ARID4A: variants seen among roughly 807,000 people sequenced by gnomAD.
The protein encoded by ARID4A is AT-rich interactive domain-containing protein 4A.
A neutral mutation model predicts 148.6 loss-of-function variants in ARID4A; 39 were observed. The observed-to-expected ratio is 0.26, with a 90% CI of 0.20 to 0.34. ARID4A has a LOEUF of 0.34. ARID4A is among the 10% of genes least tolerant of loss of function. ARID4A has a pLI of 1.00. For missense variants in ARID4A, 1,265 were observed against 1,449.1 expected (o/e 0.87, Z 2.06); for synonymous variants, 475 against 481.2 (o/e 0.99, Z 0.17).
At chr14:58,306,625 C>A (rs1048789495) in intron 5 of ARID4A, among the ~76,000 whole-genome samples, 106 of 152,150 alleles carry the variant, frequency 7.0e-4, no homozygotes, top group African/African-American at 2.5e-3. Context: ...TGCCTGTAAT[C>A]CTAGCATTTT....
chr14:58,339,944 G>A (rs377106714), intron 11 of ARID4A, among the ~76,000 whole-genome samples: 1 of 152,022 alleles, frequency 6.6e-6, no homozygotes, highest in Non-Finnish European at 1.5e-5. Flanking sequence ...TCACTACCAT[G>A]AGAACAGCAA....
intron 7 of ARID4A, among the ~76,000 whole-genome samples, chr14:58,319,972 G>A (rs1214946708): frequency 1.5e-5 from 2 of 134,266 alleles, no homozygotes; most frequent in Admixed American, 7.9e-5. Flanking sequence ...TTTTTGAGAC[G>A]GAGTATCACT....
intron 5 of ARID4A, among the ~76,000 whole-genome samples, chr14:58,313,149 A>G (rs1487716663): frequency 1.3e-5 from 2 of 152,226 alleles, no homozygotes; most frequent in South Asian, 2.1e-4. Context: ...TTTAATCCCT[A>G]TTAGGATTCT....
At chr14:58,301,730 A>G (rs1481158348) in intron 3 of ARID4A, 40 bp downstream of exon 3, 3 of 1,496,358 alleles carry the variant, frequency 2.0e-6, no homozygotes, top group Admixed American at 3.6e-5. Context: ...TTAACTCTAG[A>G]TTGAAGAAAT....
rs1216261497 is a variant in ARID4A at position 58,318,554 on chromosome 14, G to A, written c.287G>A (p.Gly96Asp). 1 of 1,613,994 alleles carries A rather than the reference G, an allele frequency of 6.2e-7. No homozygotes were observed. Among genetic ancestry groups the A allele is most frequent in the Non-Finnish European group, 8.5e-7 (1 of 1,179,998 alleles). Residue 96 changes from glycine to aspartate, a missense_variant, in exon 6 of 24, where the codon GGT (glycine) becomes GAT (aspartate). This residue lies in a region of ARID4A where 21 missense variants were observed against 36.5 expected (regional missense o/e 0.58). Transcript: ENST00000355431. The part of the protein sequence containing the change: ...ASWYTVVFDD[G>D]DERTLRRTSL... ...TTGCTTATTATAGTGTTTGATGATG[G>A]TGATGAGCGAACATTGAGACGTACC... is the stretch of plus-strand genomic sequence containing the variant.
At position 58,373,032 on chromosome 14, in the gene ARID4A, T is replaced by A. The variant is rs2035673582; in HGVS notation, c.*1043T>A. On this transcript the variant is annotated 3_prime_UTR_variant, in exon 24 of 24. Transcript: ENST00000355431. Reference sequence around the variant, plus strand: ...TTGCCTGTGTTAAAGGGAGTCTGTCTCAGTCCATCAAACAGTATAGAACTA... The same window carrying A: ...TTGCCTGTGTTAAAGGGAGTCTGTCACAGTCCATCAAACAGTATAGAACTA... 5.1e-6 allele frequency: 1 copy of A among 197,610 alleles called. No individual in the cohort carries two copies. The highest frequency in any genetic ancestry group is 1.0e-5 in the Non-Finnish European group (1 of 95,534). 12.2% of individuals were successfully genotyped at this position (197,610 alleles called of 1,614,324 possible).
intron 18 of ARID4A, among the ~76,000 whole-genome samples, chr14:58,360,543 A>G (rs1430095708): frequency 2.0e-5 from 3 of 152,210 alleles, no homozygotes; most frequent in African/African-American, 7.2e-5. Context: ...TGCAGGGGAT[A>G]GTAGGGAACA....
chr14:58,328,797 A>G (rs1014128806), intron 9 of ARID4A, among the ~76,000 whole-genome samples: 1 of 152,074 alleles, frequency 6.6e-6, no homozygotes, highest in African/African-American at 2.4e-5. Flanking sequence ...GATCGAGACC[A>G]TTCTGGCCAA....
intron 3 of ARID4A, among the ~76,000 whole-genome samples, chr14:58,303,320 G>A (rs1312720913): frequency 1.3e-5 from 2 of 152,026 alleles, no homozygotes; most frequent in Admixed American, 6.6e-5. Flanking sequence ...CCTCCTCTTA[G>A]CCATTTGAAA....
chr14:58,332,127 A>G (rs1306400286), intron 11 of ARID4A, among the ~76,000 whole-genome samples: 1 of 152,016 alleles, frequency 6.6e-6, no homozygotes, highest in Non-Finnish European at 1.5e-5. Flanking sequence ...AATTTCATAA[A>G]TATTGTAATG....
chr14:58,333,767 TTGG>T (rs1220360466), intron 11 of ARID4A, among the ~76,000 whole-genome samples: 1 of 152,180 alleles, frequency 6.6e-6, no homozygotes, highest in African/African-American at 2.4e-5. Context: ...AAGGCATTTG[TTGG>T]TGGTCATTCA....
intron 11 of ARID4A, among the ~76,000 whole-genome samples, chr14:58,336,370 G>A (rs2033815718): frequency 6.6e-6 from 1 of 152,104 alleles, no homozygotes; most frequent in African/African-American, 2.4e-5. Context: ...CAGTTCTTCA[G>A]AATTCCACTT....
chr14:58,317,711 A>G (rs2032559639), intron 5 of ARID4A, among the ~76,000 whole-genome samples: 1 of 116,554 alleles, frequency 8.6e-6, no homozygotes, highest in African/African-American at 3.4e-5. Flanking sequence ...ACCATGGTTG[A>G]GCCTTGGTTT....
intron 11 of ARID4A, among the ~76,000 whole-genome samples, chr14:58,336,737 T>A (rs1369598451): frequency 6.6e-6 from 1 of 152,068 alleles, no homozygotes; most frequent in Non-Finnish European, 1.5e-5. Flanking sequence ...GTTTGTTTAG[T>A]CCTTACAACA....
intron 15 of ARID4A, among the ~76,000 whole-genome samples, chr14:58,349,874 G>C (rs1244540815): frequency 6.6e-6 from 1 of 152,050 alleles, no homozygotes; most frequent in Non-Finnish European, 1.5e-5. Flanking sequence ...ACTTTGGTAG[G>C]CCGAGGCGGG....
At chr14:58,316,800 G>C (rs963324702) in intron 5 of ARID4A, among the ~76,000 whole-genome samples, 1 of 151,890 alleles carries the variant, frequency 6.6e-6, no homozygotes, top group Non-Finnish European at 1.5e-5. Flanking sequence ...GGCAGGTCTC[G>C]AACTCCCGAC....
intron 7 of ARID4A, 102 bp downstream of exon 7, chr14:58,318,907 A>G: frequency 1.1e-6 from 1 of 873,948 alleles, no homozygotes; most frequent in South Asian, 1.6e-5. Flanking sequence ...AGCTTTCCAT[A>G]GCATATTGTA....
chr14:58,331,998 C>CT (rs1374435121), intron 11 of ARID4A, among the ~76,000 whole-genome samples: 1 of 127,644 alleles, frequency 7.8e-6, no homozygotes, highest in East Asian at 2.5e-4. Context: ...TTTCCCTACC[C>CT]CCCCCCCCCC....
intron 16 of ARID4A, chr14:58,351,632 T>C: frequency 4.3e-6 from 1 of 232,818 alleles, no homozygotes; most frequent in East Asian, 8.3e-5. Context: ...ATGGAGGAAG[T>C]GGACAAGAGG....
Sources: allele counts gnomAD v4.1 joint callset (sites outside exome capture counted in the v4.1 genomes callset), GRCh38; gene constraint gnomAD v4.1.1; regional missense constraint gnomAD v4.1.1; transcripts MANE v1.5; gene names NCBI Gene and HGNC (gene_info 2026-07-23, HGNC 2026-07-21).